GASK1A: variants seen among roughly 807,000 people sequenced by gnomAD.
The protein encoded by GASK1A is golgi associated kinase 1A.
GASK1A carries 40 observed loss-of-function variants against 41.2 expected under a neutral mutation model. That is an observed-to-expected ratio of 0.97 (90% CI 0.75 to 1.27). The LOEUF is 1.27. Among genes scored for constraint, GASK1A ranks in the 50% most tolerant of loss-of-function variants. The probability of loss-of-function intolerance (pLI) is 0.00; values close to 1 mark genes in which losing one functional copy is unlikely to be tolerated. For missense variants in GASK1A, 678 were observed against 745.1 expected (o/e 0.91, Z 1.05); for synonymous variants, 316 against 307.1 (o/e 1.03, Z -0.30).
intron 1 of GASK1A, among the ~76,000 whole-genome samples, chr3:43,009,903 G>A (rs2089455026): frequency 6.6e-6 from 1 of 152,264 alleles, no homozygotes; most frequent in Non-Finnish European, 1.5e-5. Flanking sequence ...ACTTGAGACA[G>A]TGAGTTGCTG....
intron 1 of GASK1A, 108 bp downstream of exon 1, chr3:42,979,753 C>T (rs1575431428): frequency 8.8e-7 from 1 of 1,133,030 alleles, no homozygotes; most frequent in Non-Finnish European, 1.1e-6. Context: ...TGCGCGGCCT[C>T]CCGAGGCCGG....
chr3:43,038,929 G>A (rs1331097529), intron 2 of GASK1A, among the ~76,000 whole-genome samples: 1 of 151,956 alleles, frequency 6.6e-6, no homozygotes, highest in Non-Finnish European at 1.5e-5. Flanking sequence ...TTGATTGACT[G>A]TCGATGGATT....
intron 2 of GASK1A, among the ~76,000 whole-genome samples, chr3:43,040,881 CCCG>C (rs2089633401): frequency 7.9e-6 from 1 of 126,680 alleles, no homozygotes; most frequent in African/African-American, 2.7e-5. Flanking sequence ...ATCCCTCCCC[CCCG>C]CCACAACAGT....
intron 2 of GASK1A, among the ~76,000 whole-genome samples, chr3:43,034,663 G>A (rs2089596340): frequency 6.6e-6 from 1 of 152,148 alleles, no homozygotes; most frequent in African/African-American, 2.4e-5. Context: ...CCAATATGTG[G>A]TGTTTCGTCC....
At chr3:43,038,943 G>A (rs1173878143) in intron 2 of GASK1A, among the ~76,000 whole-genome samples, 1 of 151,908 alleles carries the variant, frequency 6.6e-6, no homozygotes, top group Non-Finnish European at 1.5e-5. Flanking sequence ...ATGGATTGTG[G>A]TGTGGTGTAT....
rs2089587974 is a variant in GASK1A at position 43,033,196 on chromosome 3, C to G, written c.933C>G (p.Leu311=). The change falls in exon 2 of 5, where the codon CTC becomes CTG. Residue 311 remains leucine, a synonymous_variant. Coordinates refer to ENST00000430121, the MANE Select transcript of GASK1A (RefSeq NM_001129908.3). ...TGTCCTCTCCCAGGCTCAGCCAACT[C>G]TGTTCCCAAGGGCTCTGTGGCCTGA... ...QDLSSPRLSQ[L]CSQGLCGLIK... is the part of the protein sequence containing the mutation. 1 of 1,551,336 alleles carries G rather than the reference C, an allele frequency of 6.4e-7. No individual in the cohort carries two copies. The highest frequency in any genetic ancestry group is 1.2e-5 in the South Asian group (1 of 84,020).
chr3:43,041,899 G>A (rs748350981), intron 2 of GASK1A, among the ~76,000 whole-genome samples: 29 of 152,180 alleles, frequency 1.9e-4, no homozygotes, highest in Non-Finnish European at 3.5e-4. Context: ...GCTCATGCCT[G>A]TAATCCCAGC....
chr3:43,025,544 A>G (rs1374052578), intron 1 of GASK1A, among the ~76,000 whole-genome samples: 1 of 152,226 alleles, frequency 6.6e-6, no homozygotes, highest in Non-Finnish European at 1.5e-5. Context: ...TTCCTGGTCC[A>G]TGTCACTCCA....
intron 1 of GASK1A, among the ~76,000 whole-genome samples, chr3:42,981,985 T>C (rs915422371): frequency 2.0e-5 from 3 of 152,094 alleles, no homozygotes; most frequent in African/African-American, 7.2e-5. Flanking sequence ...TGATCCAAGA[T>C]ACGTATGATG....
chr3:42,979,630 C>A lies in GASK1A; in HGVS notation c.-13C>A. 8.0e-7 allele frequency: 1 copy of A among 1,244,124 alleles called. No homozygotes were observed. Among genetic ancestry groups the A allele is most frequent in the African/African-American group, 1.5e-5 (1 of 64,554 alleles). 77.1% of individuals were successfully genotyped at this position (1,244,124 alleles called of 1,614,324 possible). ...GAGCGCGCCGAGGAGCCGGCCGGGG[C>A]ACCGCCGGGGACATGGTAGGACTCG... On this transcript the variant is annotated 5_prime_UTR_variant, in exon 1 of 5. Transcript: ENST00000430121.
chr3:42,980,088 T>G (rs1485994453), intron 1 of GASK1A, among the ~76,000 whole-genome samples: 1 of 152,232 alleles, frequency 6.6e-6, no homozygotes, highest in Non-Finnish European at 1.5e-5. Context: ...ATATTAAAAA[T>G]AATGTCCTAA....
intron 1 of GASK1A, among the ~76,000 whole-genome samples, chr3:43,000,323 A>C (rs2089402509): frequency 6.6e-6 from 1 of 152,206 alleles, no homozygotes; most frequent in Non-Finnish European, 1.5e-5. Flanking sequence ...GTGTTCTACC[A>C]CTTCCAGAGT....
intron 1 of GASK1A, among the ~76,000 whole-genome samples, chr3:42,992,066 TC>T (rs2089344189): frequency 6.8e-6 from 1 of 146,668 alleles, no homozygotes; most frequent in Non-Finnish European, 1.5e-5. Context: ...CAGAACATTC[TC>T]CCCTGAAACT....
intron 1 of GASK1A, among the ~76,000 whole-genome samples, chr3:43,012,356 G>A (rs1363738506): frequency 6.6e-6 from 1 of 151,816 alleles, no homozygotes; most frequent in Non-Finnish European, 1.5e-5. Context: ...GAATGGGACA[G>A]TGTGAAGCCA....
chr3:42,980,548 T>C (rs2089277674), intron 1 of GASK1A, among the ~76,000 whole-genome samples: 1 of 151,976 alleles, frequency 6.6e-6, no homozygotes, highest in Non-Finnish European at 1.5e-5. Context: ...TGGAGATGCT[T>C]TGTGGGGAGT....
rs1270408042 is a variant in GASK1A at position 43,055,453 on chromosome 3, C to T, written c.1435C>T (p.His479Tyr). 6.4e-7 allele frequency: 1 copy of T among 1,551,726 alleles called. No homozygotes were observed. The highest frequency in any genetic ancestry group is 1.2e-5 in the South Asian group (1 of 84,060). The change falls in exon 4 of 5, where the codon CAC becomes TAC. Residue 479 changes from histidine to tyrosine, a missense_variant. His to Tyr is a moderately conservative substitution (Grantham distance 83). Transcript: ENST00000430121. ...TGAGGTCCGGAGCAGCGATCCATCT[C>T]ACCTGGTCTACATCGATAACGCTGG... The part of the protein sequence containing the change: ...HILVRSSDPS[H>Y]LVYIDNAGNL...
chr3:43,032,938 A>G lies in GASK1A; in HGVS notation c.675A>G (p.Gly225=), dbSNP rs2948619. 0.58 allele frequency: 895,381 copies of G among 1,551,006 alleles called. 261,243 individuals carry two copies. The highest frequency in any genetic ancestry group is 0.76 in the Admixed American group (38,476 of 50,926). Residue 225 remains glycine, a synonymous_variant, in exon 2 of 5, where the codon GGA becomes GGG. Coordinates refer to ENST00000430121, the MANE Select transcript of GASK1A (RefSeq NM_001129908.3). ...QQAEDPTLAS[G]AHQWPGSVEK... is the part of the protein sequence containing the mutation. The stretch of plus-strand genomic sequence containing the variant: ...CAGAGGATCCCACCTTGGCCTCAGG[A>G]GCTCATCAGTGGCCTGGCTCTGTTG...
intron 1 of GASK1A, among the ~76,000 whole-genome samples, chr3:42,995,205 TGTA>T (rs1401526267): frequency 6.6e-6 from 1 of 152,170 alleles, no homozygotes; most frequent in African/African-American, 2.4e-5. Context: ...TTACTTGAGC[TGTA>T]GTCAGAGAAG....
intron 1 of GASK1A, among the ~76,000 whole-genome samples, chr3:42,994,151 A>T (rs904746913): frequency 2.0e-5 from 3 of 152,142 alleles, no homozygotes; most frequent in Non-Finnish European, 4.4e-5. Context: ...GTCTTTGGAA[A>T]TTTTTTGCTA....
Sources: allele counts gnomAD v4.1 joint callset (sites outside exome capture counted in the v4.1 genomes callset), GRCh38; gene constraint gnomAD v4.1.1; transcripts MANE v1.5; gene names NCBI Gene and HGNC (gene_info 2026-07-23, HGNC 2026-07-21).